Variants in UBTD1 observed in about 807,000 individuals in gnomAD.
The protein encoded by UBTD1 is ubiquitin domain-containing protein 1.
In UBTD1, 19 loss-of-function variants were observed where a neutral mutation model predicts 21.7. The ratio of observed to expected loss-of-function variants is 0.87; its 90% CI spans 0.61 to 1.28. The LOEUF (loss-of-function observed/expected upper bound fraction) is 1.28. Among genes scored for constraint, UBTD1 ranks in the 50% most tolerant of loss-of-function variants. UBTD1 has a pLI of 0.00. For synonymous variants in UBTD1, 116 were observed against 135.1 expected (o/e 0.86, Z 0.98); for missense variants, 282 against 315.1 (o/e 0.89, Z 0.80).
At chr10:97,530,423 G>A (rs2040523648) in intron 1 of UBTD1, among the ~76,000 whole-genome samples, 1 of 152,204 alleles carries the variant, frequency 6.6e-6, no homozygotes, top group African/African-American at 2.4e-5. Flanking sequence ...GGGCTACAGA[G>A]TGAGACCCCA....
chr10:97,511,080 G>A (rs1159373743), intron 1 of UBTD1, among the ~76,000 whole-genome samples: 1 of 152,088 alleles, frequency 6.6e-6, no homozygotes, highest in Non-Finnish European at 1.5e-5. Flanking sequence ...TACCTCCTCT[G>A]TGAACTTCCA....
At chr10:97,564,847 A>G (rs1206905346) in intron 1 of UBTD1, among the ~76,000 whole-genome samples, 11 of 152,198 alleles carry the variant, frequency 7.2e-5, no homozygotes, top group Non-Finnish European at 1.6e-4. Flanking sequence ...TACAGGCATG[A>G]GCCACCACCC....
In UBTD1 at chr10:97,570,677, C is replaced by T. The variant is rs889425023; in HGVS notation, c.*154C>T. ...GGACCCTGCCTTTCAGGGCACTACG[C>T]GCCACCAGTTCCCGGTACCCAGGGA... On this transcript the variant is annotated 3_prime_UTR_variant, in exon 3 of 3. Transcript: ENST00000370664. The surrounding 1 kb of genome is among the most constrained non-coding windows in gnomAD (Gnocchi z 6.6). 4.4e-6 allele frequency: 4 copies of T among 918,006 alleles called. No homozygotes were observed. Among genetic ancestry groups the T allele is most frequent in the South Asian group, 1.8e-5 (1 of 54,530 alleles). The allele number at this position is 918,006 out of a possible 1,614,324, so 56.9% of individuals were successfully genotyped here. A position where few individuals can be genotyped will look rare whatever the true frequency, so the allele number is the denominator to read the frequency against.
intron 1 of UBTD1, among the ~76,000 whole-genome samples, chr10:97,555,145 T>C (rs1377595216): frequency 6.6e-6 from 1 of 152,136 alleles, no homozygotes; most frequent in African/African-American, 2.4e-5. Flanking sequence ...AGAAGTCCCA[T>C]ACCCAAGGAT....
chr10:97,555,984 C>T (rs954460944), intron 1 of UBTD1, among the ~76,000 whole-genome samples: 3 of 152,034 alleles, frequency 2.0e-5, no homozygotes, highest in Non-Finnish European at 4.4e-5. Context: ...AGTGGGAGTT[C>T]TCACTCTTAT....
chr10:97,513,478 C>T (rs1248902795), intron 1 of UBTD1, among the ~76,000 whole-genome samples: 1 of 152,114 alleles, frequency 6.6e-6, no homozygotes, highest in Non-Finnish European at 1.5e-5. Flanking sequence ...ACTCAAGTTG[C>T]TCCTTGGGGG....
chr10:97,529,394 T>A (rs1301953249), intron 1 of UBTD1, among the ~76,000 whole-genome samples: 1 of 152,050 alleles, frequency 6.6e-6, no homozygotes, highest in African/African-American at 2.4e-5. Flanking sequence ...TCTCGGCACT[T>A]TGGGGGGCCA....
chr10:97,555,451 A>T (rs1216581683), intron 1 of UBTD1, among the ~76,000 whole-genome samples: 1 of 151,986 alleles, frequency 6.6e-6, no homozygotes, highest in Non-Finnish European at 1.5e-5. Context: ...TCATGTTTCC[A>T]TCATAGTCCC....
chr10:97,502,737 A>G (rs1157519103), intron 1 of UBTD1, among the ~76,000 whole-genome samples: 1 of 152,112 alleles, frequency 6.6e-6, no homozygotes, highest in African/African-American at 2.4e-5. Flanking sequence ...AAGCAGAGAC[A>G]CAATACTGTC....
chr10:97,519,042 A>T (rs1444500776), intron 1 of UBTD1, among the ~76,000 whole-genome samples: 1 of 152,114 alleles, frequency 6.6e-6, no homozygotes, highest in African/African-American at 2.4e-5. Flanking sequence ...TATCAGTCTG[A>T]CTCCCAGGGC....
intron 1 of UBTD1, among the ~76,000 whole-genome samples, chr10:97,500,258 G>A (rs991462452): frequency 4.6e-5 from 7 of 152,206 alleles, no homozygotes; most frequent in Non-Finnish European, 7.3e-5. Flanking sequence ...TGTAAGAGGA[G>A]CCACAGGCAG....
At chr10:97,564,314 G>C (rs565267427) in intron 1 of UBTD1, among the ~76,000 whole-genome samples, 1 of 152,306 alleles carries the variant, frequency 6.6e-6, no homozygotes, top group South Asian at 2.1e-4. Context: ...CAAATGGACT[G>C]TACCTTCAAA....
chr10:97,529,149 C>A (rs1447690104), intron 1 of UBTD1, among the ~76,000 whole-genome samples: 1 of 151,154 alleles, frequency 6.6e-6, no homozygotes, highest in Non-Finnish European at 1.5e-5. Flanking sequence ...GAGGCGCTCC[C>A]CACATCTCAG....
At chr10:97,546,590 A>AC (rs1340747251) in intron 1 of UBTD1, among the ~76,000 whole-genome samples, 2 of 1,374 alleles carry the variant, frequency 1.5e-3, no homozygotes, top group Non-Finnish European at 0.012. Context: ...CCTGTCTCAG[A>AC]AAAAAAAAAA....
At chr10:97,535,209 C>T (rs995589140) in intron 1 of UBTD1, among the ~76,000 whole-genome samples, 4 of 152,220 alleles carry the variant, frequency 2.6e-5, no homozygotes, top group African/African-American at 9.6e-5. Context: ...TCTGGACTGG[C>T]CTGCTACCAG....
At chr10:97,549,344 T>C (rs961542397) in intron 1 of UBTD1, among the ~76,000 whole-genome samples, 13 of 152,216 alleles carry the variant, frequency 8.5e-5, no homozygotes, top group African/African-American at 3.1e-4. Flanking sequence ...TGCAGGGGTT[T>C]CTTGCAGACA....
intron 1 of UBTD1, among the ~76,000 whole-genome samples, chr10:97,510,313 C>T (rs1335915380): frequency 6.6e-6 from 1 of 152,196 alleles, no homozygotes; most frequent in Non-Finnish European, 1.5e-5. Context: ...AAGAGAACAT[C>T]TATAAGATAG....
intron 1 of UBTD1, among the ~76,000 whole-genome samples, chr10:97,531,479 G>C (rs573236637): frequency 1.3e-5 from 2 of 152,270 alleles, no homozygotes; most frequent in Admixed American, 6.5e-5. Context: ...TCAAACTCCT[G>C]ACCTCAAGTG....
At chr10:97,504,983 T>TCAC (rs1450794003) in intron 1 of UBTD1, among the ~76,000 whole-genome samples, 1 of 152,180 alleles carries the variant, frequency 6.6e-6, no homozygotes, top group African/African-American at 2.4e-5. Context: ...ATTGGGGTCC[T>TCAC]AACCAGGCAG....
Sources: gnomAD v4.1 joint callset for allele counts (sites outside exome capture counted in the v4.1 genomes callset) on GRCh38, gnomAD v4.1.1 for gene constraint, Gnocchi (gnomAD v3.1) non-coding constraint, MANE v1.5 for transcripts, NCBI Gene and HGNC (gene_info 2026-07-23, HGNC 2026-07-21) for gene names.